Variants in KIRREL3 observed in about 807,000 individuals in gnomAD.
KIRREL3 encodes kin of IRRE-like protein 3.
In KIRREL3, 36 loss-of-function variants were observed where a neutral mutation model predicts 89.7. The ratio of observed to expected loss-of-function variants is 0.40; its 90% CI spans 0.31 to 0.53. The LOEUF (loss-of-function observed/expected upper bound fraction) is 0.53, where lower values mean the gene tolerates loss of function less well. Ranked by LOEUF, KIRREL3 falls within the 20% of genes least tolerant of loss-of-function variation. KIRREL3 has a pLI of 0.49. For missense variants in KIRREL3, 864 were observed against 1,056.6 expected, an observed-to-expected ratio of 0.82 and a Z score of 2.53; for synonymous variants, 445 against 441.4, an observed-to-expected ratio of 1.01 and a Z score of -0.10.
rs533542177 is a variant in KIRREL3, at chr11:126,614,742, G to C, written c.56-51830C>G. Among the ~76,000 whole-genome samples, 2 of 152,196 alleles carry C rather than the reference G, an allele frequency of 1.3e-5. No homozygotes were observed. Among genetic ancestry groups the C allele is most frequent in the Non-Finnish European group, 2.9e-5 (2 of 68,044 alleles). ...GCCGCAATCACAGGATTGTGATTCT[G>C]TGCTGGGGTTCGAGGTGTCTCCGCT... On this transcript the variant is annotated intron_variant, in intron 1 of 16. Coordinates refer to ENST00000525144, the MANE Select transcript of KIRREL3 (RefSeq NM_032531.4). The surrounding 1 kb of genome is among the most constrained non-coding windows in gnomAD (Gnocchi z 4.6).
At chr11:126,540,439 C>T (rs762543450) in intron 2 of KIRREL3, among the ~76,000 whole-genome samples, 37 of 152,222 alleles carry the variant, frequency 2.4e-4, no homozygotes, top group Non-Finnish European at 4.0e-4. Context: ...GCACTTCTCT[C>T]CCAGGACACA....
chr11:126,939,138 T>C (rs967032262), intron 1 of KIRREL3, among the ~76,000 whole-genome samples: 5 of 152,160 alleles, frequency 3.3e-5, no homozygotes, highest in Admixed American at 2.6e-4. Flanking sequence ...TGGGGGTCTG[T>C]GCATGTTGGA....
Position 126,989,669 on chromosome 11 carries a change from C to T in KIRREL3, c.55+10786G>A, listed in dbSNP as rs143638216. Among the ~76,000 whole-genome samples the T allele has an allele frequency of 8.5e-4, 130 of 152,268 alleles. No individual in the cohort carries two copies. The highest frequency in any genetic ancestry group is 2.6e-3 in the African/African-American group (109 of 41,552). ...TTATCAAGTGGCAAAAAAGGTGAGC[C>T]GCCATCCCCTTGGAGGTAAAGAAAG... is the stretch of plus-strand genomic sequence containing the variant. On this transcript the variant is annotated intron_variant, in intron 1 of 16. Transcript: ENST00000525144. The surrounding 1 kb of genome is among the most constrained non-coding windows in gnomAD (Gnocchi z 6.2).
intron 1 of KIRREL3, among the ~76,000 whole-genome samples, chr11:126,859,487 A>T (rs1050963633): frequency 1.3e-5 from 2 of 152,212 alleles, no homozygotes; most frequent in African/African-American, 4.8e-5. Flanking sequence ...AATGGATAGC[A>T]GCCTCAAAGG....
rs1392273953 is a variant in KIRREL3 at position 126,969,697 on chromosome 11, C to T, written c.55+30758G>A. On this transcript the variant is annotated intron_variant, in intron 1 of 16. Coordinates refer to ENST00000525144, the MANE Select transcript of KIRREL3 (RefSeq NM_032531.4). The surrounding 1 kb of genome is among the most constrained non-coding windows in gnomAD (Gnocchi z 4.9). ...GGTAGCCATGATGCTTTTCCACGCC[C>T]TTGATGACACAGGCTTATTTGAATA... Among the ~76,000 whole-genome samples the T allele has an allele frequency of 6.6e-6, 1 of 152,294 alleles. No homozygotes were observed. Among genetic ancestry groups the T allele is most frequent in the Non-Finnish European group, 1.5e-5 (1 of 68,028 alleles).
At chr11:126,810,755 G>A (rs759841018) in intron 1 of KIRREL3, among the ~76,000 whole-genome samples, 8 of 152,292 alleles carry the variant, frequency 5.3e-5, no homozygotes, top group African/African-American at 1.2e-4. Flanking sequence ...AGGAGTAATG[G>A]GAAGAGATGA....
chr11:126,702,943 C>T (rs1029123519), intron 1 of KIRREL3, among the ~76,000 whole-genome samples: 1 of 152,240 alleles, frequency 6.6e-6, no homozygotes, highest in African/African-American at 2.4e-5. Context: ...CAAGGTCAGC[C>T]AGCTACATGC....
intron 1 of KIRREL3, among the ~76,000 whole-genome samples, chr11:126,679,883 G>C (rs1247426723): frequency 6.6e-6 from 1 of 152,178 alleles, no homozygotes; most frequent in East Asian, 1.9e-4. Flanking sequence ...AAAGGTCCCA[G>C]AGAGAGAATT....
At chr11:126,922,159 C>CTATA (rs1393832886) in intron 1 of KIRREL3, among the ~76,000 whole-genome samples, 1 of 151,466 alleles carries the variant, frequency 6.6e-6, no homozygotes, top group African/African-American at 2.4e-5. Context: ...ATCTATCTAT[C>CTATA]TATCTATCTA....
chr11:126,553,806 TA>T lies in KIRREL3; in HGVS notation c.133+9028del, dbSNP rs1182183955. ...CCATTGGTCACTGCCCATGATTCAG[TA>T]AAACCTAAACACAGAGGCCTCTACC... On this transcript the variant is annotated intron_variant, in intron 2 of 16. Transcript: ENST00000525144. This position sits in a 1 kb window ranked among gnomAD's most constrained non-coding sequence, Gnocchi z 4.7. Among the ~76,000 whole-genome samples, 1 of 152,156 alleles carries T rather than the reference TA, an allele frequency of 6.6e-6. No individual in the cohort carries two copies. The highest frequency in any genetic ancestry group is 1.5e-5 in the Non-Finnish European group (1 of 68,024).
At chr11:126,435,157 G>T in intron 13 of KIRREL3, 111 bp downstream of exon 13, 1 of 1,119,310 alleles carries the variant, frequency 8.9e-7, no homozygotes, top group South Asian at 1.2e-5. Flanking sequence ...GGAGGGCGGA[G>T]ACACTAGCGG....
chr11:126,655,466 ACTG>A lies in KIRREL3; in HGVS notation c.56-92557_56-92555del, dbSNP rs911676069. ...CACCCCTCCACTCCCCCCACAAACA[ACTG>A]AATTTGGAAGGTTAAAAATCACTTC... On this transcript the variant is annotated intron_variant, in intron 1 of 16. Transcript: ENST00000525144. The surrounding 1 kb of genome is among the most constrained non-coding windows in gnomAD (Gnocchi z 5.0). Among the ~76,000 whole-genome samples the A allele has an allele frequency of 1.3e-5, 2 of 152,018 alleles. No homozygotes were observed. The highest frequency in any genetic ancestry group is 4.8e-5 in the African/African-American group (2 of 41,372).
chr11:126,734,242 G>C lies in KIRREL3; in HGVS notation c.56-171330C>G, dbSNP rs73573433. On this transcript the variant is annotated intron_variant, in intron 1 of 16. Transcript: ENST00000525144. This position sits in a 1 kb window ranked among gnomAD's most constrained non-coding sequence, Gnocchi z 5.9. ...GTCCCATGCTTTCATCAGAAAAAAA[G>C]CTCTACTTTTGGGATCTATGGCAGG... Among the ~76,000 whole-genome samples, 1 of 152,046 alleles carries C rather than the reference G, an allele frequency of 6.6e-6. No individual in the cohort carries two copies. The highest frequency in any genetic ancestry group is 1.5e-5 in the Non-Finnish European group (1 of 68,022).
Position 126,612,013 on chromosome 11 carries a change from T to G in KIRREL3, c.56-49101A>C, listed in dbSNP as rs1465443300. Among the ~76,000 whole-genome samples the G allele has an allele frequency of 6.6e-6, 1 of 152,194 alleles. No individual in the cohort carries two copies. Among genetic ancestry groups the G allele is most frequent in the Non-Finnish European group, 1.5e-5 (1 of 68,022 alleles). The stretch of plus-strand genomic sequence containing the variant: ...CAAGCCTCCCAGCCCAGTCAGCCCC[T>G]GTGCACTCTCATGTTACCTGTGCAT... On this transcript the variant is annotated intron_variant, in intron 1 of 16. Transcript: ENST00000525144. The surrounding 1 kb of genome is among the most constrained non-coding windows in gnomAD (Gnocchi z 4.5).
rs946324573 is a variant in KIRREL3 at position 126,750,639 on chromosome 11, T to G, written c.56-187727A>C. Among the ~76,000 whole-genome samples the G allele has an allele frequency of 2.0e-5, 3 of 152,250 alleles. No individual in the cohort carries two copies. Among genetic ancestry groups the G allele is most frequent in the Admixed American group, 6.5e-5 (1 of 15,294 alleles). ...AATCAACCTGTGTTGCCAATCATTCTGCTGTGTGATTTACAAATGCCATCT... is the reference window on the plus strand; with the variant it reads ...AATCAACCTGTGTTGCCAATCATTCGGCTGTGTGATTTACAAATGCCATCT... On this transcript the variant is annotated intron_variant, in intron 1 of 16. Transcript: ENST00000525144. This position sits in a 1 kb window ranked among gnomAD's most constrained non-coding sequence, Gnocchi z 4.2.
chr11:126,568,954 G>A lies in KIRREL3; in HGVS notation c.56-6042C>T, dbSNP rs534821900. Among the ~76,000 whole-genome samples the A allele has an allele frequency of 1.3e-5, 2 of 152,166 alleles. No homozygotes were observed. Among genetic ancestry groups the A allele is most frequent in the South Asian group, 4.2e-4 (2 of 4,810 alleles). On this transcript the variant is annotated intron_variant, in intron 1 of 16. Coordinates refer to ENST00000525144, the MANE Select transcript of KIRREL3 (RefSeq NM_032531.4). This position sits in a 1 kb window ranked among gnomAD's most constrained non-coding sequence, Gnocchi z 4.6. ...GTTAGCACGTAGCCAACAGTGACAT[G>A]GACTGGAAATGTGAGGCCAGTCAGG...
chr11:126,840,804 T>G (rs1320006352), intron 1 of KIRREL3, among the ~76,000 whole-genome samples: 1 of 152,192 alleles, frequency 6.6e-6, no homozygotes, highest in Non-Finnish European at 1.5e-5. Context: ...TCACAGTGAC[T>G]GTGATCAAGT....
rs1048034828 is a variant in KIRREL3 at position 126,943,394 on chromosome 11, T to C, written c.55+57061A>G. On this transcript the variant is annotated intron_variant, in intron 1 of 16. Transcript: ENST00000525144. The surrounding 1 kb of genome is among the most constrained non-coding windows in gnomAD (Gnocchi z 4.2). ...CTCTACCCTCCTCGGAACAATCTGA[T>C]ACCATTATCACTGACATCATCAAAA... Among the ~76,000 whole-genome samples, 10 of 152,230 alleles carry C rather than the reference T, an allele frequency of 6.6e-5. No homozygotes were observed. Among genetic ancestry groups the C allele is most frequent in the Non-Finnish European group, 1.0e-4 (7 of 68,048 alleles).
chr11:126,895,839 C>T (rs1946136659), intron 1 of KIRREL3, among the ~76,000 whole-genome samples: 1 of 152,204 alleles, frequency 6.6e-6, no homozygotes, highest in African/African-American at 2.4e-5. Flanking sequence ...CCAGTGACCA[C>T]ATGACCCAGC....
Sources: gnomAD v4.1 joint callset for allele counts (sites outside exome capture counted in the v4.1 genomes callset) on GRCh38, gnomAD v4.1.1 for gene constraint, Gnocchi (gnomAD v3.1) non-coding constraint, MANE v1.5 for transcripts, NCBI Gene and HGNC (gene_info 2026-07-23, HGNC 2026-07-21) for gene names.